IL1RAPL2: variants seen among roughly 807,000 people sequenced by gnomAD.
The protein encoded by IL1RAPL2 is interleukin 1 receptor accessory protein like 2.
Under a neutral mutation model 44.1 loss-of-function variants are expected in IL1RAPL2, and 3 were observed. The ratio of observed to expected loss-of-function variants is 0.07; its 90% CI spans 0.03 to 0.18. The LOEUF is 0.18. Ranked by LOEUF, IL1RAPL2 falls within the 10% of genes least tolerant of loss-of-function variation. The pLI is 1.00. For missense variants in IL1RAPL2, 391 were observed against 496.4 expected (o/e 0.79, Z 2.02); for synonymous variants, 181 against 178.8 (o/e 1.01, Z -0.10).
At chrX:104,592,389 T>C (rs1303794006) in intron 1 of IL1RAPL2, among the ~76,000 whole-genome samples, 2 of 110,487 alleles carry the variant, frequency 1.8e-5, no homozygotes, top group Non-Finnish European at 3.8e-5. Flanking sequence ...TTTGAGACTG[T>C]CTACTCCAAG....
intron 2 of IL1RAPL2, among the ~76,000 whole-genome samples, chrX:105,037,591 T>G (rs976067660): frequency 9.0e-6 from 1 of 111,481 alleles, no homozygotes; most frequent in Non-Finnish European, 1.9e-5. Context: ...TTATCCCTGA[T>G]TCCATATCCA....
chrX:105,715,981 T>A (rs751110093), intron 6 of IL1RAPL2, among the ~76,000 whole-genome samples: 10 of 111,472 alleles, frequency 9.0e-5, no homozygotes, highest in African/African-American at 3.3e-4. Flanking sequence ...CCAGTGAAAC[T>A]TGTAGGGCCT....
chrX:105,751,086 A>G (rs2038593448), intron 9 of IL1RAPL2, among the ~76,000 whole-genome samples: 1 of 110,958 alleles, frequency 9.0e-6, no homozygotes, highest in South Asian at 3.8e-4. Context: ...TGAGCAACAT[A>G]GGGAGACCTC....
intron 1 of IL1RAPL2, among the ~76,000 whole-genome samples, chrX:104,620,133 C>T (rs1284617865): frequency 2.7e-5 from 3 of 110,928 alleles, no homozygotes; most frequent in African/African-American, 9.8e-5. Flanking sequence ...TTAGAAGTCA[C>T]ATTGTGAGGG....
chrX:104,747,160 C>T (rs1316036895), intron 2 of IL1RAPL2, among the ~76,000 whole-genome samples: 1 of 111,007 alleles, frequency 9.0e-6, no homozygotes, highest in African/African-American at 3.3e-5. Context: ...CTCTACTTGT[C>T]TCCATTCCTC....
chrX:104,768,447 T>G (rs1932590476), intron 2 of IL1RAPL2, among the ~76,000 whole-genome samples: 1 of 111,605 alleles, frequency 9.0e-6, no homozygotes, highest in Admixed American at 9.5e-5. Context: ...GAAAAAGGTT[T>G]AAACTTCTTT....
At chrX:105,586,252 T>TC (rs2037127823) in intron 6 of IL1RAPL2, among the ~76,000 whole-genome samples, 1 of 111,373 alleles carries the variant, frequency 9.0e-6, no homozygotes, top group Non-Finnish European at 1.9e-5. Context: ...AAAAAAAAGC[T>TC]CAGCATCACT....
At chrX:105,620,765 G>T (rs765159651) in intron 6 of IL1RAPL2, among the ~76,000 whole-genome samples, 11 of 111,095 alleles carry the variant, frequency 9.9e-5, no homozygotes, top group Non-Finnish European at 1.3e-4. Context: ...AATTTCATTG[G>T]AAATAAGAAG....
At chrX:104,628,382 T>C (rs1929561469) in intron 1 of IL1RAPL2, among the ~76,000 whole-genome samples, 1 of 111,402 alleles carries the variant, frequency 9.0e-6, no homozygotes, top group African/African-American at 3.3e-5. Context: ...TATCTATCAT[T>C]CTACTCCCTA....
chrX:105,268,011 A>T (rs1452139169), intron 5 of IL1RAPL2, among the ~76,000 whole-genome samples: 1 of 112,024 alleles, frequency 8.9e-6, no homozygotes, highest in East Asian at 2.8e-4. Flanking sequence ...GCTTCTAGTG[A>T]TTCTTAGAGC....
intron 5 of IL1RAPL2, among the ~76,000 whole-genome samples, chrX:105,363,310 T>TATATATATATATATA (rs2035267221): frequency 5.4e-5 from 4 of 73,848 alleles, no homozygotes; most frequent in South Asian, 5.5e-4. Context: ...ATATATATAA[T>TATATATATATATATA]ATATATATAT....
chrX:104,605,304 G>C, intron 1 of IL1RAPL2, among the ~76,000 whole-genome samples: 1 of 111,888 alleles, frequency 8.9e-6, no homozygotes, highest in Non-Finnish European at 1.9e-5. Flanking sequence ...GAATCTCTGG[G>C]ACACATTTAA....
At chrX:105,657,062 ATGACTC>A (rs1458813704) in intron 6 of IL1RAPL2, among the ~76,000 whole-genome samples, 7 of 111,506 alleles carry the variant, frequency 6.3e-5, no homozygotes, top group African/African-American at 2.0e-4. Flanking sequence ...CACTACTACT[ATGACTC>A]TGACTCTGAC....
intron 6 of IL1RAPL2, among the ~76,000 whole-genome samples, chrX:105,491,838 A>G (rs1375518305): frequency 1.8e-5 from 2 of 112,076 alleles, no homozygotes; most frequent in African/African-American, 6.5e-5. Context: ...CTAAGTTTCT[A>G]TAACAGCTGT....
At chrX:104,966,089 A>G (rs1035041737) in intron 2 of IL1RAPL2, among the ~76,000 whole-genome samples, 1 of 111,176 alleles carries the variant, frequency 9.0e-6, no homozygotes, top group Non-Finnish European at 1.9e-5. Context: ...ATCATCACCT[A>G]GGTACAGAAT....
intron 5 of IL1RAPL2, among the ~76,000 whole-genome samples, chrX:105,273,645 C>CT (rs2034464091): frequency 8.9e-6 from 1 of 111,879 alleles, no homozygotes; most frequent in African/African-American, 3.2e-5. Flanking sequence ...AGATCATAGT[C>CT]TTTTTATCAA....
intron 3 of IL1RAPL2, chrX:105,219,318 A>AAG: frequency 1.7e-6 from 2 of 1,211,445 alleles, no homozygotes; most frequent in Non-Finnish European, 2.2e-6. Flanking sequence ...GCTGGACAGG[A>AAG]AGAGGTTCTG....
rs760694690 is a variant in IL1RAPL2 at position 104,633,756 on chromosome X, C to T, written c.-19-25139C>T. Among the ~76,000 whole-genome samples the T allele has an allele frequency of 1.9e-4, 21 of 110,864 alleles. No individual in the cohort carries two copies. The East Asian group carries it at 2.0e-3, about 10-fold the overall frequency. Reference sequence around the variant, plus strand: ...TTTTCTTCTTTATTAGTCTTGCTAGCGGTCTATCAATTGTGTTGATAGTTT... The same window carrying T: ...TTTTCTTCTTTATTAGTCTTGCTAGTGGTCTATCAATTGTGTTGATAGTTT... On this transcript the variant is annotated intron_variant, in intron 1 of 10. Coordinates refer to ENST00000372582, the MANE Select transcript of IL1RAPL2 (RefSeq NM_017416.2).
In IL1RAPL2 at chrX:104,566,309, C is replaced by A. The variant is rs1928028554; in HGVS notation, c.-762C>A. The A allele has an allele frequency of 8.9e-6, 1 of 112,924 alleles. No homozygotes were observed. The highest frequency in any genetic ancestry group is 3.2e-5 in the African/African-American group (1 of 31,123). The allele number at this position is 112,924 out of a possible 1,213,427, so 9.3% of individuals were successfully genotyped here. A position where few individuals can be genotyped will look rare whatever the true frequency, so the allele number is the denominator to read the frequency against. ...ATTTTGGAGGCGGCAGCAGCGGTGG[C>A]AGGATGTGAGGCGAGCCTGGAGCTC... On this transcript the variant is annotated 5_prime_UTR_variant, in exon 1 of 11. Coordinates refer to ENST00000372582, the MANE Select transcript of IL1RAPL2 (RefSeq NM_017416.2).
Sources: gnomAD v4.1 joint callset for allele counts (sites outside exome capture counted in the v4.1 genomes callset) on GRCh38, gnomAD v4.1.1 for gene constraint, MANE v1.5 for transcripts, NCBI Gene and HGNC (gene_info 2026-07-23, HGNC 2026-07-21) for gene names.